Variants in NIM1K observed in about 807,000 individuals in gnomAD.
NIM1K encodes the protein serine/threonine-protein kinase NIM1.
In NIM1K, 35 loss-of-function variants were observed where a neutral mutation model predicts 37.1. The observed-to-expected ratio is 0.94, with a 90% CI of 0.72 to 1.25. The LOEUF (loss-of-function observed/expected upper bound fraction) is 1.25. Ranked by LOEUF, NIM1K falls within the 50% of genes most tolerant of loss-of-function variation. The probability of loss-of-function intolerance (pLI) is 0.00; values close to 1 mark genes in which losing one functional copy is unlikely to be tolerated. For synonymous variants in NIM1K, 234 were observed against 206.6 expected (o/e 1.13, Z -1.14); for missense variants, 564 against 548.0 (o/e 1.03, Z -0.29).
intron 2 of NIM1K, among the ~76,000 whole-genome samples, chr5:43,276,102 C>T (rs1343029095): frequency 6.6e-6 from 1 of 152,082 alleles, no homozygotes; most frequent in Non-Finnish European, 1.5e-5. Context: ...ACCATGTTGG[C>T]CAGGCTGGTC....
intron 2 of NIM1K, among the ~76,000 whole-genome samples, chr5:43,267,422 C>T (rs547488451): frequency 6.6e-6 from 1 of 152,122 alleles, no homozygotes; most frequent in South Asian, 2.1e-4. Flanking sequence ...GTTTTACTAA[C>T]CTTGTGTAAT....
chr5:43,228,303 C>T (rs1319215267), intron 1 of NIM1K, among the ~76,000 whole-genome samples: 1 of 151,860 alleles, frequency 6.6e-6, no homozygotes, highest in East Asian at 2.0e-4. Context: ...CCCGCCACCA[C>T]ACCTGGCTAA....
At chr5:43,195,111 A>G (rs751919435) in intron 1 of NIM1K, among the ~76,000 whole-genome samples, 19 of 152,140 alleles carry the variant, frequency 1.2e-4, no homozygotes, top group Non-Finnish European at 2.2e-4. Context: ...CTGTTCATAA[A>G]ATTTGTTTCA....
chr5:43,274,167 G>A (rs181870872), intron 2 of NIM1K, among the ~76,000 whole-genome samples: 192 of 152,290 alleles, frequency 1.3e-3, no homozygotes, highest in Middle Eastern at 3.4e-3. Flanking sequence ...CCCTTACAAT[G>A]CCTCTCCTGC....
At chr5:43,234,458 T>TA (rs1401718872) in intron 1 of NIM1K, among the ~76,000 whole-genome samples, 1 of 152,120 alleles carries the variant, frequency 6.6e-6, no homozygotes, top group Non-Finnish European at 1.5e-5. Context: ...TCACCTAGCA[T>TA]AAAAAATTCC....
chr5:43,200,950 CCT>C (rs1345117542), intron 1 of NIM1K, among the ~76,000 whole-genome samples: 1 of 151,702 alleles, frequency 6.6e-6, no homozygotes, highest in East Asian at 1.9e-4. Flanking sequence ...ATGGTGAAAC[CCT>C]GTCTCTACTA....
intron 2 of NIM1K, among the ~76,000 whole-genome samples, chr5:43,261,063 A>G (rs1450841503): frequency 2.6e-5 from 4 of 152,212 alleles, no homozygotes; most frequent in East Asian, 1.9e-4. Flanking sequence ...TAGTGCCACA[A>G]TAAACATACG....
At chr5:43,255,402 C>A (rs115069493) in intron 2 of NIM1K, among the ~76,000 whole-genome samples, 2 of 152,104 alleles carry the variant, frequency 1.3e-5, no homozygotes, top group Non-Finnish European at 2.9e-5. Context: ...AGAGGGAAGC[C>A]AGACAAAAAT....
intron 1 of NIM1K, among the ~76,000 whole-genome samples, chr5:43,240,060 T>A (rs967777269): frequency 2.5e-4 from 38 of 152,082 alleles, no homozygotes; most frequent in African/African-American, 8.5e-4. Flanking sequence ...TTTAATTGTT[T>A]CCTTTTTCTT....
At chr5:43,264,988 G>C (rs900121646) in intron 2 of NIM1K, among the ~76,000 whole-genome samples, 3 of 152,204 alleles carry the variant, frequency 2.0e-5, no homozygotes, top group Non-Finnish European at 4.4e-5. Flanking sequence ...CGAGAGATCT[G>C]CTGTTAGTCT....
At chr5:43,236,121 C>G (rs1034441283) in intron 1 of NIM1K, among the ~76,000 whole-genome samples, 1 of 151,542 alleles carries the variant, frequency 6.6e-6, no homozygotes, top group East Asian at 1.9e-4. Context: ...CAAAAAATAA[C>G]CAGGCATGGT....
At chr5:43,272,517 C>T (rs1032870494) in intron 2 of NIM1K, among the ~76,000 whole-genome samples, 1 of 151,094 alleles carries the variant, frequency 6.6e-6, no homozygotes, top group Admixed American at 6.6e-5. Flanking sequence ...TCTAGGGAGC[C>T]CTTGCAGGGG....
At chr5:43,216,163 A>G (rs983179696) in intron 1 of NIM1K, among the ~76,000 whole-genome samples, 1 of 152,072 alleles carries the variant, frequency 6.6e-6, no homozygotes, top group African/African-American at 2.4e-5. Context: ...TTTAAAATGT[A>G]GTATTGTTTT....
intron 1 of NIM1K, among the ~76,000 whole-genome samples, chr5:43,198,210 T>TTTCTCTTTCTTTCTTTCTTTCC (rs1579951025): frequency 3.6e-5 from 3 of 82,328 alleles, no homozygotes; most frequent in East Asian, 6.6e-4. Context: ...TTTCTTTCTC[T>TTTCTCTTTCTTTCTTTCTTTCC]TTCTTTCTTT....
intron 1 of NIM1K, among the ~76,000 whole-genome samples, chr5:43,228,351 T>G (rs563645982): frequency 1.3e-5 from 2 of 152,094 alleles, no homozygotes; most frequent in Admixed American, 1.3e-4. Context: ...TTTCACCGTG[T>G]TAGCCAGGAT....
chr5:43,202,400 G>A (rs979850916), intron 1 of NIM1K, among the ~76,000 whole-genome samples: 2 of 152,128 alleles, frequency 1.3e-5, no homozygotes, highest in Non-Finnish European at 2.9e-5. Context: ...TTGGTGAGCT[G>A]ATATAGCTGA....
chr5:43,260,643 A>G (rs753032590), intron 2 of NIM1K, among the ~76,000 whole-genome samples: 26 of 152,210 alleles, frequency 1.7e-4, no homozygotes, highest in Middle Eastern at 3.4e-3. Context: ...TAAGTTCTGC[A>G]GTACATGTGC....
intron 1 of NIM1K, chr5:43,207,233 A>C: frequency 1.3e-6 from 1 of 755,828 alleles, no homozygotes. Flanking sequence ...CTGGGACATC[A>C]TGGGAAGTGG....
intron 1 of NIM1K, chr5:43,232,555 T>C: frequency 6.3e-7 from 1 of 1,580,770 alleles, no homozygotes; most frequent in Non-Finnish European, 8.6e-7. Flanking sequence ...AGTGGCCTCA[T>C]TGTCTACCAT....
Sources: allele counts gnomAD v4.1 joint callset (sites outside exome capture counted in the v4.1 genomes callset), GRCh38; gene constraint gnomAD v4.1.1; transcripts MANE v1.5; gene names NCBI Gene and HGNC (gene_info 2026-07-23, HGNC 2026-07-21).